RPRD2: variants seen among roughly 807,000 people sequenced by gnomAD.
RPRD2 encodes the protein regulation of nuclear pre-mRNA domain-containing protein 2.
A neutral mutation model predicts 104.4 loss-of-function variants in RPRD2; 12 were observed. The ratio of observed to expected loss-of-function variants is 0.11; its 90% confidence interval spans 0.07 to 0.19. The LOEUF (loss-of-function observed/expected upper bound fraction) is 0.19, where lower values mean the gene tolerates loss of function less well. Ranked by LOEUF, RPRD2 falls within the 10% of genes least tolerant of loss-of-function variation. The pLI is 1.00. For missense variants in RPRD2, 1,543 were observed against 1,790.1 expected (o/e 0.86, Z 2.49); for synonymous variants, 714 against 684.9 (o/e 1.04, Z -0.66).
At chr1:150,417,129 A>G (rs942384922) in intron 1 of RPRD2, among the ~76,000 whole-genome samples, 1 of 152,036 alleles carries the variant, frequency 6.6e-6, no homozygotes, top group South Asian at 2.1e-4. Context: ...TGCTCTTTCT[A>G]CTAACCTTGG....
rs1049058251 is a variant in RPRD2, at chr1:150,476,090, G to A, written c.*2756G>A. On this transcript the variant is annotated 3_prime_UTR_variant, in exon 11 of 11. Coordinates refer to ENST00000369068, the MANE Select transcript of RPRD2 (RefSeq NM_015203.5). ...AAGAGTTTACTCTTCAGTCAGCTTA[G>A]ATGAGAGCTCTCTCCCTGCTCCCCT... 26 of 152,150 alleles carry A rather than the reference G, an allele frequency of 1.7e-4. No individual in the cohort carries two copies. The highest frequency in any genetic ancestry group is 1.7e-3 in the Admixed American group (26 of 15,256). The allele number at this position is 152,150 out of a possible 1,614,324, so 9.4% of individuals were successfully genotyped here.
intron 2 of RPRD2, among the ~76,000 whole-genome samples, chr1:150,437,103 T>C (rs1666059332): frequency 6.6e-6 from 1 of 152,120 alleles, no homozygotes; most frequent in Admixed American, 6.6e-5. Flanking sequence ...AATGATTCCT[T>C]TTATGGATCT....
Position 150,475,038 on chromosome 1 carries a change from T to C in RPRD2, c.*1704T>C, listed in dbSNP as rs916976184. ...CTCGCCATGTGTTCTGGGGTTAGGA[T>C]GCTGCAGGTCATTCATCTTCTTAAT... On this transcript the variant is annotated 3_prime_UTR_variant, in exon 11 of 11. Coordinates refer to ENST00000369068, the MANE Select transcript of RPRD2 (RefSeq NM_015203.5). The C allele has an allele frequency of 6.6e-6, 1 of 152,186 alleles. No homozygotes were observed. Among genetic ancestry groups the C allele is most frequent in the Non-Finnish European group, 1.5e-5 (1 of 68,038 alleles). 9.4% of individuals were successfully genotyped at this position (152,186 alleles called of 1,614,324 possible).
chr1:150,442,178 C>T (rs1341750179), intron 4 of RPRD2, among the ~76,000 whole-genome samples: 1 of 146,938 alleles, frequency 6.8e-6, no homozygotes, highest in Admixed American at 6.8e-5. Flanking sequence ...AAAGGAAATG[C>T]AGAAAAGGGT....
In RPRD2 at chr1:150,470,568, A is replaced by T. The variant is rs1668522892; in HGVS notation, c.1620A>T (p.Ser540=). The change falls in exon 11 of 11, where the codon TCA becomes TCT. Residue 540 remains serine (S), a synonymous_variant. Transcript: ENST00000369068. ...TQSAPALQGL[S]SLLQSVTGNP... Reference sequence around the variant, plus strand: ...TAATCTTTGTTTCTACAGGCCTGTCATCTTTACTTCAGAGTGTTACTGGGA... The same window carrying T: ...TAATCTTTGTTTCTACAGGCCTGTCTTCTTTACTTCAGAGTGTTACTGGGA... The T allele has an allele frequency of 6.2e-7, 1 of 1,613,120 alleles. No homozygotes were observed. Among genetic ancestry groups the T allele is most frequent in the Non-Finnish European group, 8.5e-7 (1 of 1,179,496 alleles).
intron 1 of RPRD2, among the ~76,000 whole-genome samples, chr1:150,384,988 C>T (rs188401416): frequency 1.3e-5 from 2 of 152,188 alleles, no homozygotes; most frequent in Admixed American, 1.3e-4. Context: ...TGAATAGCCA[C>T]TGCACTCCAG....
chr1:150,461,239 T>A (rs1667912794), intron 9 of RPRD2, among the ~76,000 whole-genome samples: 3 of 151,092 alleles, frequency 2.0e-5, no homozygotes, highest in Admixed American at 2.0e-4. Flanking sequence ...AAATAAAAAA[T>A]TTTAAATGAA....
chr1:150,413,585 A>G (rs1026962412), intron 1 of RPRD2, among the ~76,000 whole-genome samples: 1 of 151,310 alleles, frequency 6.6e-6, no homozygotes, highest in South Asian at 2.1e-4. Flanking sequence ...CCTGGGCAAC[A>G]AGAGTGAAAC....
intron 10 of RPRD2, among the ~76,000 whole-genome samples, chr1:150,468,659 T>C (rs1490187954): frequency 6.6e-6 from 1 of 152,294 alleles, no homozygotes; most frequent in Non-Finnish European, 1.5e-5. Context: ...GGACAATCAC[T>C]TGAGCCCAAG....
rs782657095 is a variant in RPRD2, at chr1:150,438,466, A to G, written c.336-2457A>G. On this transcript the variant is annotated intron_variant, in intron 2 of 10. Coordinates refer to ENST00000369068, the MANE Select transcript of RPRD2 (RefSeq NM_015203.5). The stretch of plus-strand genomic sequence containing the variant: ...CATGGTGAAACCCCGTCCCTACTAA[A>G]AAAAAATACAAAATTAGCTGGGCGT... Among the ~76,000 whole-genome samples, 152 of 152,096 alleles carry G rather than the reference A, an allele frequency of 1.0e-3. 1 individual carries two copies. Among genetic ancestry groups the G allele is most frequent in the Non-Finnish European group, 1.5e-3 (105 of 67,992 alleles).
chr1:150,416,715 C>CA, intron 1 of RPRD2, among the ~76,000 whole-genome samples: 3 of 151,388 alleles, frequency 2.0e-5, no homozygotes, highest in Admixed American at 2.0e-4. Flanking sequence ...ACCAAAAATA[C>CA]AAAAAAATTA....
intron 7 of RPRD2, among the ~76,000 whole-genome samples, chr1:150,450,328 C>T (rs587630824): frequency 6.6e-6 from 1 of 151,998 alleles, no homozygotes; most frequent in African/African-American, 2.4e-5. Context: ...TTTATTTAGC[C>T]GGGTGCGGTG....
chr1:150,376,899 G>A (rs879953303), intron 1 of RPRD2, among the ~76,000 whole-genome samples: 7 of 151,412 alleles, frequency 4.6e-5, no homozygotes, highest in Non-Finnish European at 1.0e-4. Flanking sequence ...GATACAGAAT[G>A]AGAAAATGAA....
chr1:150,451,012 C>T (rs1018827220), intron 7 of RPRD2, among the ~76,000 whole-genome samples: 3 of 152,134 alleles, frequency 2.0e-5, no homozygotes, highest in Non-Finnish European at 4.4e-5. Context: ...GGAAAAGATC[C>T]TATCCAGAAT....
intron 1 of RPRD2, among the ~76,000 whole-genome samples, chr1:150,409,647 CT>C (rs10684353): frequency 0.015 from 1,720 of 114,594 alleles, 16 homozygotes; most frequent in African/African-American, 0.05. Context: ...TGTTGCAATT[CT>C]TTTTTTTTTT....
At chr1:150,388,520 C>T (rs112900797) in intron 1 of RPRD2, among the ~76,000 whole-genome samples, 13,773 of 148,218 alleles carry the variant, frequency 0.093, 782 homozygotes, top group Non-Finnish European at 0.13. Context: ...CACACACACA[C>T]ACATATATAC....
intron 1 of RPRD2, among the ~76,000 whole-genome samples, chr1:150,374,343 A>C (rs183376587): frequency 9.9e-4 from 151 of 152,310 alleles, no homozygotes; most frequent in Middle Eastern, 6.8e-3. Flanking sequence ...TGCCCCCTCC[A>C]TCTCTTCATC....
chr1:150,447,666 A>G (rs1285962162), intron 7 of RPRD2, among the ~76,000 whole-genome samples: 4 of 152,144 alleles, frequency 2.6e-5, no homozygotes, highest in African/African-American at 7.2e-5. Context: ...CAAGAAAGGG[A>G]GAGAGGTGAT....
chr1:150,421,929 A>G (rs782180072), intron 2 of RPRD2, among the ~76,000 whole-genome samples: 12 of 152,178 alleles, frequency 7.9e-5, no homozygotes, highest in South Asian at 4.2e-4. Flanking sequence ...GTGAATTATA[A>G]TCATACCATG....
Sources: gnomAD v4.1 joint callset for allele counts (sites outside exome capture counted in the v4.1 genomes callset) on GRCh38, gnomAD v4.1.1 for gene constraint, MANE v1.5 for transcripts, NCBI Gene and HGNC (gene_info 2026-07-23, HGNC 2026-07-21) for gene names.